TRIP4: variants seen among roughly 807,000 people sequenced by gnomAD.
The protein encoded by TRIP4 is thyroid hormone receptor interactor 4.
TRIP4 carries 54 observed loss-of-function variants against 81.8 expected under a neutral mutation model. That is an observed-to-expected ratio of 0.66 (90% confidence interval 0.53 to 0.83). The LOEUF (loss-of-function observed/expected upper bound fraction) is 0.83. Ranked by LOEUF, TRIP4 falls within the 40% of genes least tolerant of loss-of-function variation. The pLI is 0.00. For missense variants in TRIP4, 662 were observed against 683.6 expected (o/e 0.97, Z 0.35); for synonymous variants, 270 against 242.8 (o/e 1.11, Z -1.04).
intron 11 of TRIP4, among the ~76,000 whole-genome samples, chr15:64,427,421 C>T (rs1043997198): frequency 6.6e-6 from 1 of 152,082 alleles, no homozygotes; most frequent in South Asian, 2.1e-4. Flanking sequence ...CTCACTCTGT[C>T]GTCCAGGCTG....
chr15:64,412,644 CAT>C (rs1891793481), intron 7 of TRIP4, among the ~76,000 whole-genome samples: 1 of 53,370 alleles, frequency 1.9e-5, no homozygotes, highest in Admixed American at 3.2e-4. Flanking sequence ...TCCTAACAAA[CAT>C]ATATTGAATT....
At chr15:64,432,738 C>G (rs1185709678) in intron 11 of TRIP4, among the ~76,000 whole-genome samples, 1 of 151,782 alleles carries the variant, frequency 6.6e-6, no homozygotes, top group Non-Finnish European at 1.5e-5. Flanking sequence ...GGTGAAACCC[C>G]TTCTCTACTA....
chr15:64,398,648 A>G (rs982938194), intron 4 of TRIP4, among the ~76,000 whole-genome samples: 2 of 152,142 alleles, frequency 1.3e-5, no homozygotes, highest in African/African-American at 2.4e-5. Context: ...GAGAACATAC[A>G]TTGTTGAGAG....
intron 11 of TRIP4, among the ~76,000 whole-genome samples, chr15:64,431,847 A>ATATTTTTTTTTTTTTTTTTTTTT: frequency 2.5e-5 from 3 of 119,554 alleles, no homozygotes; most frequent in African/African-American, 9.8e-5. Context: ...ATATATATAT[A>ATATTTTTTTTTTTTTTTTTTTTT]TTTTTTTTAT....
chr15:64,431,942 A>G (rs1276007570), intron 11 of TRIP4, among the ~76,000 whole-genome samples: 18 of 121,082 alleles, frequency 1.5e-4, no homozygotes, highest in African/African-American at 5.7e-4. Context: ...GGTGGAGTGC[A>G]GTGGAGTGAT....
rs1292037699 is a variant in TRIP4, at chr15:64,400,883, G to T, written c.697+62G>T. 5 of 1,384,970 alleles carry T rather than the reference G, an allele frequency of 3.6e-6. No individual in the cohort carries two copies. In the East Asian group the frequency reaches 7.0e-5, roughly 19 times the overall value. 85.8% of individuals were successfully genotyped at this position (1,384,970 alleles called of 1,614,324 possible). Reference sequence around the variant, plus strand: ...TGGGTACCTTGTTGCGTCTGTGGTTGTTTCTCTTTTCTGTATCCTGGAGTG... The same window carrying T: ...TGGGTACCTTGTTGCGTCTGTGGTTTTTTCTCTTTTCTGTATCCTGGAGTG... On this transcript the variant is annotated intron_variant, in intron 5 of 12. Transcript: ENST00000261884.
At chr15:64,434,638 G>A (rs1286698922) in intron 11 of TRIP4, among the ~76,000 whole-genome samples, 1 of 152,150 alleles carries the variant, frequency 6.6e-6, no homozygotes, top group Non-Finnish European at 1.5e-5. Context: ...TGAGAAGACA[G>A]TTGTAGTCCA....
chr15:64,420,942 A>G (rs1376696292), intron 9 of TRIP4, among the ~76,000 whole-genome samples: 1 of 152,146 alleles, frequency 6.6e-6, no homozygotes, highest in Non-Finnish European at 1.5e-5. Flanking sequence ...CAGTAGCTCT[A>G]TGAAATACAC....
intron 7 of TRIP4, among the ~76,000 whole-genome samples, chr15:64,412,045 C>T (rs1596344671): frequency 6.6e-6 from 1 of 152,108 alleles, no homozygotes; most frequent in Non-Finnish European, 1.5e-5. Flanking sequence ...TTTCCTTTTC[C>T]CTTGTCAAAG....
intron 12 of TRIP4, among the ~76,000 whole-genome samples, chr15:64,446,842 C>T (rs1236749698): frequency 2.0e-5 from 3 of 151,726 alleles, no homozygotes; most frequent in East Asian, 3.9e-4. Context: ...TGGTGGCTCA[C>T]GCCTGTAATC....
At chr15:64,441,136 A>G (rs186448321) in intron 11 of TRIP4, among the ~76,000 whole-genome samples, 2,235 of 152,028 alleles carry the variant, frequency 0.015, 23 homozygotes, top group Non-Finnish European at 0.023. Context: ...AGCTGGGACT[A>G]CTGGTGCCCG....
intron 5 of TRIP4, among the ~76,000 whole-genome samples, chr15:64,401,466 T>C (rs1225912660): frequency 6.6e-6 from 1 of 152,068 alleles, no homozygotes; most frequent in Non-Finnish European, 1.5e-5. Context: ...GGGGTGGGGT[T>C]TTGCCATGTT....
chr15:64,411,379 A>T lies in TRIP4; in HGVS notation c.1043+1551A>T, dbSNP rs544228098. ...ATGTACCACTCTGGTGAGGGATGCT[A>T]ATAATGGGGGAGGCTATGTATTTGG... On this transcript the variant is annotated intron_variant, in intron 7 of 12. Transcript: ENST00000261884. Among the ~76,000 whole-genome samples the T allele has an allele frequency of 7.2e-5, 11 of 152,262 alleles. No homozygotes were observed. In the East Asian group the frequency reaches 2.1e-3, roughly 29 times the overall value.
chr15:64,423,387 CAGG>C (rs1031899922), intron 9 of TRIP4, among the ~76,000 whole-genome samples: 5 of 148,812 alleles, frequency 3.4e-5, no homozygotes, highest in African/African-American at 1.2e-4. Flanking sequence ...CGCTTGAACC[CAGG>C]AGGCGGAGGT....
In TRIP4 at chr15:64,424,061, C is replaced by T. The variant is rs142075785; in HGVS notation, c.1389C>T (p.His463=). Residue 463 remains histidine, a synonymous_variant, in exon 10 of 13, where the codon CAC becomes CAT. Transcript: ENST00000261884. Reference sequence around the variant, plus strand: ...AGGGCAGATCCTGGTACACCCCCCACAGAGGACGACTTTGGATAGCAGCCA... The same window carrying T: ...AGGGCAGATCCTGGTACACCCCCCATAGAGGACGACTTTGGATAGCAGCCA... ...RVEGRSWYTP[H]RGRLWIAATA... is the part of the protein sequence containing the mutation. 110 of 1,614,010 alleles carry T rather than the reference C, an allele frequency of 6.8e-5. No homozygotes were observed. In the African/African-American group the frequency reaches 1.3e-3, roughly 19 times the overall value.
At chr15:64,439,822 C>T (rs1892477596) in intron 11 of TRIP4, among the ~76,000 whole-genome samples, 1 of 151,910 alleles carries the variant, frequency 6.6e-6, no homozygotes, top group Non-Finnish European at 1.5e-5. Flanking sequence ...CCATGCCTGG[C>T]TAACGTATAA....
chr15:64,424,799 C>T (rs1017422236), intron 10 of TRIP4, among the ~76,000 whole-genome samples: 2 of 151,890 alleles, frequency 1.3e-5, no homozygotes, highest in African/African-American at 4.8e-5. Context: ...TTTTTTGAGA[C>T]AGAGTCTCGT....
Position 64,414,086 on chromosome 15 carries a change from C to G in TRIP4, c.1045C>G (p.Leu349Val). ...CATCCTTTTGGTTTATTATCACAGA[C>G]TAGATGAGACAATACAGGCCATTGC... ...ENSLAEYHSR[L>V]DETIQAIANG... Residue 349 changes from leucine (L) to valine (V), a missense_variant and splice_region_variant, in exon 8 of 13, where the codon CTA (leucine) becomes GTA (valine). Physicochemically the swap from Leu to Val is conservative, Grantham distance 32 (BLOSUM62 1). Transcript: ENST00000261884. The G allele has an allele frequency of 6.2e-7, 1 of 1,613,946 alleles. No homozygotes were observed. Among genetic ancestry groups the G allele is most frequent in the Non-Finnish European group, 8.5e-7 (1 of 1,179,902 alleles).
At chr15:64,425,465 A>G in intron 10 of TRIP4, 75 bp from the exon 11 acceptor site, 1 of 1,264,784 alleles carries the variant, frequency 7.9e-7, no homozygotes, top group African/African-American at 1.5e-5. Flanking sequence ...TTTGTTCAGA[A>G]TTGAAAACAG....
Sources: gnomAD v4.1 joint callset for allele counts (sites outside exome capture counted in the v4.1 genomes callset) on GRCh38, gnomAD v4.1.1 for gene constraint, MANE v1.5 for transcripts, NCBI Gene and HGNC (gene_info 2026-07-23, HGNC 2026-07-21) for gene names.